MEGF11: variants seen among roughly 807,000 people sequenced by gnomAD.
MEGF11 encodes the protein multiple epidermal growth factor-like domains protein 11.
MEGF11 carries 126 observed loss-of-function variants against 146.6 expected under a neutral mutation model. The observed-to-expected ratio is 0.86, with a 90% confidence interval of 0.74 to 1.00. The LOEUF (loss-of-function observed/expected upper bound fraction) is 1.00, where lower values mean the gene tolerates loss of function less well. Ranked by LOEUF, MEGF11 falls within the 50% of genes least tolerant of loss-of-function variation. The pLI, the probability that MEGF11 is intolerant of heterozygous loss-of-function variation, is 0.00. For missense variants in MEGF11, 1,509 were observed against 1,521.2 expected (o/e 0.99, Z 0.13); for synonymous variants, 532 against 583.4 (o/e 0.91, Z 1.27).
intron 1 of MEGF11, among the ~76,000 whole-genome samples, chr15:66,147,027 G>A (rs2089398703): frequency 6.6e-6 from 1 of 152,154 alleles, no homozygotes. Context: ...TCCTCACTGG[G>A]AATTGGGGAT....
At chr15:66,156,240 G>T (rs1312931612) in intron 1 of MEGF11, among the ~76,000 whole-genome samples, 1 of 152,086 alleles carries the variant, frequency 6.6e-6, no homozygotes, top group Non-Finnish European at 1.5e-5. Context: ...CCAGACACCT[G>T]CACTGCTGGG....
At chr15:66,187,940 A>T (rs1221354892) in intron 1 of MEGF11, among the ~76,000 whole-genome samples, 1 of 152,220 alleles carries the variant, frequency 6.6e-6, no homozygotes, top group South Asian at 2.1e-4. Context: ...TGAGGGATAA[A>T]GGGGTATCTC....
intron 4 of MEGF11, among the ~76,000 whole-genome samples, chr15:66,118,302 A>T (rs1356682843): frequency 6.6e-6 from 1 of 152,092 alleles, no homozygotes; most frequent in Non-Finnish European, 1.5e-5. Context: ...AGAGAGATTA[A>T]GTGTCTTGCC....
At chr15:66,106,360 A>G (rs978302483) in intron 4 of MEGF11, among the ~76,000 whole-genome samples, 2 of 152,336 alleles carry the variant, frequency 1.3e-5, no homozygotes, top group Non-Finnish European at 2.9e-5. Context: ...ATACGGGTGC[A>G]CACATGTGTA....
At chr15:66,036,737 G>A (rs2083741317) in intron 5 of MEGF11, among the ~76,000 whole-genome samples, 1 of 152,204 alleles carries the variant, frequency 6.6e-6, no homozygotes, top group Admixed American at 6.5e-5. Context: ...GCAGGGAGCT[G>A]GGAGCCTTAA....
chr15:65,916,591 G>C, intron 17 of MEGF11: 3 of 752,350 alleles, frequency 4.0e-6, no homozygotes, highest in Non-Finnish European at 6.6e-6. Context: ...GGTGATTGCT[G>C]GAGTACCTTG....
chr15:66,006,854 T>C (rs2082535899), intron 5 of MEGF11, among the ~76,000 whole-genome samples: 1 of 152,188 alleles, frequency 6.6e-6, no homozygotes, highest in Admixed American at 6.5e-5. Flanking sequence ...AGCGTGCACA[T>C]GTGGACACAT....
intron 1 of MEGF11, among the ~76,000 whole-genome samples, chr15:66,213,186 C>A (rs1323773444): frequency 2.6e-5 from 4 of 152,100 alleles, no homozygotes; most frequent in Non-Finnish European, 5.9e-5. Context: ...TCTGGCCCCT[C>A]CTCGTGAATA....
chr15:66,017,071 G>C (rs2082913420), intron 5 of MEGF11, among the ~76,000 whole-genome samples: 1 of 152,236 alleles, frequency 6.6e-6, no homozygotes, highest in Non-Finnish European at 1.5e-5. Flanking sequence ...AAGTCATGAA[G>C]AGCTGCTGGA....
intron 4 of MEGF11, among the ~76,000 whole-genome samples, chr15:66,101,034 AGCAGGCGGGTG>A (rs1567240606): frequency 2.1e-5 from 2 of 93,460 alleles, no homozygotes; most frequent in African/African-American, 4.1e-5. Flanking sequence ...TGAGCGGGTG[AGCAGGCGGGTG>A]AGTGAGCCAG....
chr15:66,218,992 A>AAAAAAAAAAAAAAAAAT, intron 1 of MEGF11, among the ~76,000 whole-genome samples: 1 of 151,314 alleles, frequency 6.6e-6, no homozygotes, highest in African/African-American at 2.4e-5. Context: ...AAAAAAAAAA[A>AAAAAAAAAAAAAAAAAT]AAAACCTTAA....
At chr15:65,939,922 G>A (rs1032167104) in intron 10 of MEGF11, among the ~76,000 whole-genome samples, 1 of 152,182 alleles carries the variant, frequency 6.6e-6, no homozygotes, top group African/African-American at 2.4e-5. Flanking sequence ...TTGATTGCAA[G>A]TTCCATGAGG....
At chr15:65,936,869 C>G (rs759376642) in intron 10 of MEGF11, among the ~76,000 whole-genome samples, 1 of 152,126 alleles carries the variant, frequency 6.6e-6, no homozygotes, top group African/African-American at 2.4e-5. Context: ...AAGGATGGGC[C>G]CCATGCTAAC....
At chr15:65,900,756 A>G (rs952433682) in intron 24 of MEGF11, among the ~76,000 whole-genome samples, 2 of 152,210 alleles carry the variant, frequency 1.3e-5, no homozygotes, top group Non-Finnish European at 2.9e-5. Flanking sequence ...TTCCATCACA[A>G]TTTAGCCCAG....
intron 5 of MEGF11, among the ~76,000 whole-genome samples, chr15:66,016,532 C>T (rs1168525217): frequency 1.7e-5 from 2 of 119,684 alleles, no homozygotes; most frequent in Non-Finnish European, 3.3e-5. Flanking sequence ...AACACAGTGT[C>T]TCCTCTTAGC....
At position 65,906,204 on chromosome 15, in the gene MEGF11, GTTC is replaced by G. The variant is rs527557842; in HGVS notation, c.2999-66_2999-64del. ...GGTGAGGTTTACTTAGACTGCTTGTGTTCTTCTTTCTTTTCTTGCTTTTCCCCC... is the reference window on the plus strand; with the variant it reads ...GGTGAGGTTTACTTAGACTGCTTGTGTTCTTTCTTTTCTTGCTTTTCCCCC... On this transcript the variant is annotated intron_variant, in intron 23 of 25. Coordinates refer to ENST00000395614, the MANE Select transcript of MEGF11 (RefSeq NM_001385028.1). The G allele has an allele frequency of 1.3e-4, 161 of 1,260,416 alleles. No homozygotes were observed. In the African/African-American group the frequency reaches 1.3e-3, roughly 10 times the overall value. The allele number at this position is 1,260,416 out of a possible 1,614,324, so 78.1% of individuals were successfully genotyped here.
Position 66,055,295 on chromosome 15 carries a change from G to A in MEGF11, c.394+39107C>T, listed in dbSNP as rs150702051. 3.9e-5 allele frequency among the ~76,000 whole-genome samples: 6 copies of A among 152,334 alleles called. No homozygotes were observed. The East Asian group carries it at 5.8e-4, about 15-fold the overall frequency. The stretch of plus-strand genomic sequence containing the variant: ...GGATTCAGTAAAACTATCGAGATTC[G>A]TAGGCCCAGGATAAAGCTCATATAA... On this transcript the variant is annotated intron_variant, in intron 5 of 25. Coordinates refer to ENST00000395614, the MANE Select transcript of MEGF11 (RefSeq NM_001385028.1).
At chr15:66,128,135 G>A (rs1054500451) in intron 2 of MEGF11, among the ~76,000 whole-genome samples, 171 bp downstream of exon 2, 2 of 151,350 alleles carry the variant, frequency 1.3e-5, no homozygotes, top group Non-Finnish European at 3.0e-5. Flanking sequence ...TGACCTTCCA[G>A]ACAGAATCTA....
At chr15:66,126,622 G>T (rs2088361742) in intron 2 of MEGF11, among the ~76,000 whole-genome samples, 1 of 152,230 alleles carries the variant, frequency 6.6e-6, no homozygotes, top group Non-Finnish European at 1.5e-5. Context: ...AGCCACTAGG[G>T]CAGGCAGAGG....
Sources: gnomAD v4.1 joint callset for allele counts (sites outside exome capture counted in the v4.1 genomes callset) on GRCh38, gnomAD v4.1.1 for gene constraint, MANE v1.5 for transcripts, NCBI Gene and HGNC (gene_info 2026-07-23, HGNC 2026-07-21) for gene names.